Variants in ATF6 observed in about 807,000 individuals in gnomAD.
ATF6 encodes the protein cyclic AMP-dependent transcription factor ATF-6 alpha.
ATF6 carries 53 observed loss-of-function variants against 83.6 expected under a neutral mutation model. The ratio of observed to expected loss-of-function variants is 0.63; its 90% confidence interval spans 0.51 to 0.80. The LOEUF is 0.80. Among genes scored for constraint, ATF6 ranks in the 30% least tolerant of loss-of-function variants. The pLI, the probability that ATF6 is intolerant of heterozygous loss-of-function variation, is 0.00. For missense variants in ATF6, 744 were observed against 797.9 expected (o/e 0.93, Z 0.81); for synonymous variants, 288 against 285.8 (o/e 1.01, Z -0.08).
At chr1:161,827,452 T>G (rs892044738) in intron 9 of ATF6, among the ~76,000 whole-genome samples, 6 of 152,336 alleles carry the variant, frequency 3.9e-5, no homozygotes, top group African/African-American at 1.4e-4. Flanking sequence ...GTGAGCTCTA[T>G]CTGAACTTTT....
intron 15 of ATF6, among the ~76,000 whole-genome samples, chr1:161,918,762 T>G (rs1194696159): frequency 6.6e-6 from 1 of 152,194 alleles, no homozygotes; most frequent in African/African-American, 2.4e-5. Flanking sequence ...AGGTGATCCC[T>G]CTCTCTGACT....
At chr1:161,841,218 G>A (rs1052436720) in intron 9 of ATF6, among the ~76,000 whole-genome samples, 5 of 152,052 alleles carry the variant, frequency 3.3e-5, no homozygotes, top group South Asian at 2.1e-4. Flanking sequence ...TGTCACAGTC[G>A]TACTAAAACA....
intron 14 of ATF6, among the ~76,000 whole-genome samples, chr1:161,897,817 A>G (rs1024478488): frequency 5.3e-5 from 8 of 152,216 alleles, no homozygotes; most frequent in Non-Finnish European, 1.2e-4. Context: ...GATACATTAA[A>G]TAAAGTAGAT....
intron 14 of ATF6, among the ~76,000 whole-genome samples, chr1:161,881,001 A>G (rs1272063412): frequency 6.6e-6 from 1 of 152,070 alleles, no homozygotes; most frequent in African/African-American, 2.4e-5. Context: ...TAATAACTAT[A>G]TTAATTTTGA....
chr1:161,831,552 C>T lies in ATF6; in HGVS notation c.1187+10391C>T, dbSNP rs572902826. On this transcript the variant is annotated intron_variant, in intron 9 of 15. Transcript: ENST00000367942. Reference sequence around the variant, plus strand: ...AAAGACTTGGAACCAACCCAAATGTCCAACAATGATAGACTGGATTAAGAA... The same window carrying T: ...AAAGACTTGGAACCAACCCAAATGTTCAACAATGATAGACTGGATTAAGAA... Among the ~76,000 whole-genome samples, 66 of 152,140 alleles carry T rather than the reference C, an allele frequency of 4.3e-4. 3 individuals are homozygous for T. The South Asian group carries it at 0.011, about 24-fold the overall frequency.
intron 7 of ATF6, among the ~76,000 whole-genome samples, chr1:161,813,962 A>G (rs956572848): frequency 2.2e-4 from 33 of 148,462 alleles, no homozygotes; most frequent in African/African-American, 7.7e-4. Flanking sequence ...TCGGCTCACC[A>G]CAACCTCTGC....
In ATF6 at chr1:161,960,510, G is replaced by A. The variant is rs559494698; in HGVS notation, c.*1856G>A. 6.6e-6 allele frequency: 1 copy of A among 152,328 alleles called. No individual in the cohort carries two copies. The highest frequency in any genetic ancestry group is 2.1e-4 in the South Asian group (1 of 4,830). The allele number at this position is 152,328 out of a possible 1,614,324, so 9.4% of individuals were successfully genotyped here. A position where few individuals can be genotyped will look rare whatever the true frequency, so the allele number is the denominator to read the frequency against. ...ATCAGCACTTCTAACTCTCTGGACA[G>A]GTGCCTCTTTGTCCAAGCTAGTTAA... On this transcript the variant is annotated 3_prime_UTR_variant, in exon 16 of 16. Transcript: ENST00000367942.
At chr1:161,773,140 A>ATTTTTTTTTTTT (rs759769528) in intron 1 of ATF6, among the ~76,000 whole-genome samples, 3,889 of 129,652 alleles carry the variant, frequency 0.03, 216 homozygotes, top group East Asian at 0.14. Flanking sequence ...TACTTTTTGT[A>ATTTTTTTTTTTT]TTTTTTTTTT....
chr1:161,846,466 C>T lies in ATF6; in HGVS notation c.1205C>T (p.Ser402Phe). The T allele has an allele frequency of 2.5e-6, 4 of 1,602,692 alleles. No individual in the cohort carries two copies. Among genetic ancestry groups the T allele is most frequent in the South Asian group, 1.1e-5 (1 of 89,144 alleles). ...YGPMSMLEQDSRRMNPSVSPA... is the reference protein window; with the variant it reads ...YGPMSMLEQDFRRMNPSVSPA... ...ATTTTCAGCATGTTGGAACAGGATT[C>T]CAGGAGAATGAACCCTAGTGTGAGC... Residue 402 changes from serine (S) to phenylalanine (F), a missense_variant, in exon 10 of 16, where the codon TCC becomes TTC. Transcript: ENST00000367942.
At chr1:161,876,856 T>C (rs1038865810) in intron 14 of ATF6, among the ~76,000 whole-genome samples, 1 of 152,074 alleles carries the variant, frequency 6.6e-6, no homozygotes, top group Non-Finnish European at 1.5e-5. Flanking sequence ...AGGCAAGTTT[T>C]CTAATCTCCT....
intron 10 of ATF6, 92 bp from the exon 11 acceptor site, chr1:161,851,630 A>G (rs1686633950): frequency 2.5e-6 from 2 of 787,958 alleles, no homozygotes; most frequent in Admixed American, 2.3e-5. Context: ...TTTTGTTTCC[A>G]TGAAAAGTTA....
intron 1 of ATF6, among the ~76,000 whole-genome samples, chr1:161,773,754 A>G (rs540775516): frequency 6.6e-6 from 1 of 152,330 alleles, no homozygotes; most frequent in South Asian, 2.1e-4. Context: ...GGGAAATCTA[A>G]TAGTGTGGGA....
intron 15 of ATF6, among the ~76,000 whole-genome samples, chr1:161,930,736 T>A (rs192741160): frequency 2.0e-5 from 3 of 152,228 alleles, no homozygotes; most frequent in Non-Finnish European, 1.5e-5. Context: ...GTAAACCAGG[T>A]CAGAAAAATA....
intron 14 of ATF6, among the ~76,000 whole-genome samples, chr1:161,911,571 C>G (rs941067026): frequency 7.9e-5 from 12 of 152,222 alleles, no homozygotes; most frequent in Non-Finnish European, 1.6e-4. Context: ...AATTCTTTAA[C>G]TCTTCTACCA....
intron 7 of ATF6, among the ~76,000 whole-genome samples, chr1:161,811,690 TATCCATCCATCC>T (rs367625221): frequency 6.6e-6 from 1 of 150,890 alleles, no homozygotes; most frequent in South Asian, 2.1e-4. Context: ...ATCCATCCAC[TATCCATCCATCC>T]ATCCATCCAT....
intron 7 of ATF6, among the ~76,000 whole-genome samples, chr1:161,818,834 A>G (rs1018369194): frequency 3.9e-5 from 6 of 152,244 alleles, no homozygotes; most frequent in African/African-American, 1.2e-4. Context: ...GATGGGTAGC[A>G]GGGATACATG....
chr1:161,773,140 A>ATT (rs759769528), intron 1 of ATF6, among the ~76,000 whole-genome samples: 4 of 130,074 alleles, frequency 3.1e-5, no homozygotes, highest in African/African-American at 5.8e-5. Context: ...TACTTTTTGT[A>ATT]TTTTTTTTTT....
At chr1:161,856,117 G>A (rs1323140917) in intron 12 of ATF6, among the ~76,000 whole-genome samples, 1 of 152,212 alleles carries the variant, frequency 6.6e-6, no homozygotes, top group Non-Finnish European at 1.5e-5. Context: ...ATTGGAAGCA[G>A]TATGTGTTAT....
At chr1:161,939,646 C>T (rs1688606119) in intron 15 of ATF6, among the ~76,000 whole-genome samples, 1 of 152,230 alleles carries the variant, frequency 6.6e-6, no homozygotes, top group Non-Finnish European at 1.5e-5. Flanking sequence ...ATGCTGTCTC[C>T]ATCTTCTGGT....
Sources: gnomAD v4.1 joint callset for allele counts (sites outside exome capture counted in the v4.1 genomes callset) on GRCh38, gnomAD v4.1.1 for gene constraint, MANE v1.5 for transcripts, NCBI Gene and HGNC (gene_info 2026-07-23, HGNC 2026-07-21) for gene names.